GNG4: variants seen among roughly 807,000 people sequenced by gnomAD.
GNG4 encodes the protein G protein subunit gamma 4.
Under a neutral mutation model 5.8 loss-of-function variants are expected in GNG4, and 4 were observed. That is an observed-to-expected ratio of 0.69 (90% CI 0.34 to 1.57). The LOEUF is 1.57. Ranked by LOEUF, GNG4 falls within the 40% of genes most tolerant of loss-of-function variation. GNG4 has a pLI of 0.06. For synonymous variants in GNG4, 29 were observed against 32.9 expected, an observed-to-expected ratio of 0.88 and a Z score of 0.41; for missense variants, 96 against 95.1, an observed-to-expected ratio of 1.01 and a Z score of -0.04.
Position 235,644,401 on chromosome 1 carries a change from A to G in GNG4, c.-123+5261T>C, listed in dbSNP as rs557257144. Reference sequence around the variant, plus strand: ...AGCGACCCTCCTCGGCCACCTCCACACCCACACTCCAGGCCCACCACTGCC... The same window carrying G: ...AGCGACCCTCCTCGGCCACCTCCACGCCCACACTCCAGGCCCACCACTGCC... On this transcript the variant is annotated intron_variant, in intron 1 of 3. Coordinates refer to ENST00000391854, the MANE Select transcript of GNG4 (RefSeq NM_001098722.2). This position sits in a 1 kb window ranked among gnomAD's most constrained non-coding sequence, Gnocchi z 5.9. 6.6e-6 allele frequency among the ~76,000 whole-genome samples: 1 copy of G among 151,862 alleles called. No individual in the cohort carries two copies. Among genetic ancestry groups the G allele is most frequent in the Admixed American group, 6.6e-5 (1 of 15,236 alleles).
intron 2 of GNG4, among the ~76,000 whole-genome samples, chr1:235,594,345 C>A (rs1261125118): frequency 6.6e-6 from 1 of 152,202 alleles, no homozygotes; most frequent in East Asian, 1.9e-4. Context: ...AAGTCCCCAC[C>A]AGACTCAGGA....
At chr1:235,611,230 C>A (rs1688470449) in intron 1 of GNG4, among the ~76,000 whole-genome samples, 1 of 151,120 alleles carries the variant, frequency 6.6e-6, no homozygotes, top group African/African-American at 2.4e-5. Context: ...TGAAGTGGTA[C>A]CATCATGGCT....
intron 1 of GNG4, among the ~76,000 whole-genome samples, chr1:235,601,454 C>T (rs916050339): frequency 3.9e-5 from 6 of 152,168 alleles, no homozygotes; most frequent in African/African-American, 1.4e-4. Flanking sequence ...TTGACCTGGA[C>T]TTTAGCATCT....
At chr1:235,641,215 A>G (rs1657316823) in intron 1 of GNG4, among the ~76,000 whole-genome samples, 1 of 150,808 alleles carries the variant, frequency 6.6e-6, no homozygotes, top group Non-Finnish European at 1.5e-5. Flanking sequence ...GTGAGAACCC[A>G]TCTCTACAAA....
At chr1:235,570,279 T>A (rs2774328) in intron 3 of GNG4, among the ~76,000 whole-genome samples, 3 of 151,900 alleles carry the variant, frequency 2.0e-5, no homozygotes. Flanking sequence ...GTCATCACTG[T>A]GGCTTTCCAC....
At chr1:235,628,250 C>G (rs767584252) in intron 1 of GNG4, among the ~76,000 whole-genome samples, 1 of 152,156 alleles carries the variant, frequency 6.6e-6, no homozygotes, top group Non-Finnish European at 1.5e-5. Context: ...GTCTTTCTGG[C>G]TTTTGTTTCC....
chr1:235,603,006 T>G (rs1458028523), intron 1 of GNG4, among the ~76,000 whole-genome samples: 1 of 152,028 alleles, frequency 6.6e-6, no homozygotes, highest in African/African-American at 2.4e-5. Context: ...CCCAGCACTT[T>G]GGGAGGTGGG....
intron 1 of GNG4, among the ~76,000 whole-genome samples, chr1:235,628,317 G>A (rs1432585282): frequency 6.6e-6 from 1 of 152,096 alleles, no homozygotes; most frequent in Non-Finnish European, 1.5e-5. Flanking sequence ...AAAATGTCTT[G>A]GCCAGAAGCA....
At chr1:235,592,316 G>A (rs1687985290) in intron 2 of GNG4, among the ~76,000 whole-genome samples, 1 of 152,138 alleles carries the variant, frequency 6.6e-6, no homozygotes, top group African/African-American at 2.4e-5. Context: ...GGCCAGCCTG[G>A]CCAACATGGT....
Position 235,583,725 on chromosome 1 carries a change from C to A in GNG4, c.99+15G>T. ...AGCTTCGGGCGGAGGGTGGGGCTGA[C>A]GCATGCATGCTTACCTTGACCCTGT... On this transcript the variant is annotated intron_variant, in intron 3 of 3. Transcript: ENST00000391854. The A allele has an allele frequency of 4.6e-6, 7 of 1,535,180 alleles. No individual in the cohort carries two copies. The highest frequency in any genetic ancestry group is 6.3e-6 in the Non-Finnish European group (7 of 1,109,338).
intron 1 of GNG4, among the ~76,000 whole-genome samples, chr1:235,619,316 GA>G (rs1688663239): frequency 6.6e-6 from 1 of 151,664 alleles, no homozygotes; most frequent in African/African-American, 2.4e-5. Context: ...AGGATCACTT[GA>G]TCCTGGGAGG....
At position 235,550,153 on chromosome 1, in the gene GNG4, A is replaced by G. The variant is rs10925976; in HGVS notation, c.*1956T>C. On this transcript the variant is annotated 3_prime_UTR_variant, in exon 4 of 4. Coordinates refer to ENST00000391854, the MANE Select transcript of GNG4 (RefSeq NM_001098722.2). ...ATCATATGAGTTTGGTTTAGGTAGGACCTTCAGGTTGATCTTAGACAATCC... is the reference window on the plus strand; with the variant it reads ...ATCATATGAGTTTGGTTTAGGTAGGGCCTTCAGGTTGATCTTAGACAATCC... The G allele has an allele frequency of 0.58, 88,052 of 152,062 alleles. 26,132 individuals are homozygous for G. Among genetic ancestry groups the G allele is most frequent in the East Asian group, 0.83 (4,279 of 5,160 alleles). The allele number at this position is 152,062 out of a possible 1,614,324, so 9.4% of individuals were successfully genotyped here.
At chr1:235,593,942 C>G (rs1037279895) in intron 2 of GNG4, among the ~76,000 whole-genome samples, 9 of 152,258 alleles carry the variant, frequency 5.9e-5, no homozygotes, top group Non-Finnish European at 1.0e-4. Flanking sequence ...CAGATTACCC[C>G]AGCTGGCGCG....
intron 3 of GNG4, among the ~76,000 whole-genome samples, chr1:235,572,812 C>G (rs2841882): frequency 0.68 from 102,853 of 151,842 alleles, 35,262 homozygotes; most frequent in East Asian, 0.87. Flanking sequence ...AAAATATACA[C>G]TACTAGAATC....
chr1:235,549,813 CG>C lies in GNG4; in HGVS notation c.*2295del, dbSNP rs1686693016. The C allele has an allele frequency of 1.3e-5, 2 of 152,210 alleles. No individual in the cohort carries two copies. The highest frequency in any genetic ancestry group is 4.8e-5 in the African/African-American group (2 of 41,456). 9.4% of individuals were successfully genotyped at this position (152,210 alleles called of 1,614,324 possible). On this transcript the variant is annotated 3_prime_UTR_variant, in exon 4 of 4. Coordinates refer to ENST00000391854, the MANE Select transcript of GNG4 (RefSeq NM_001098722.2). ...TTTGCAGGCAATTTTATGCCTCCAA[CG>C]GAACCATGGTCTCTTTGAAGTCATC...
chr1:235,611,914 A>G (rs1688484763), intron 1 of GNG4, among the ~76,000 whole-genome samples: 1 of 151,936 alleles, frequency 6.6e-6, no homozygotes, highest in Admixed American at 6.6e-5. Context: ...AATAAATAAA[A>G]TTGGCCAGGT....
intron 2 of GNG4, among the ~76,000 whole-genome samples, chr1:235,589,912 T>C (rs1341082498): frequency 2.6e-5 from 4 of 152,160 alleles, no homozygotes; most frequent in Non-Finnish European, 4.4e-5. Context: ...CCATATTTGT[T>C]GGGTCATCTG....
chr1:235,629,403 A>G (rs1688889104), intron 1 of GNG4, among the ~76,000 whole-genome samples: 1 of 151,990 alleles, frequency 6.6e-6, no homozygotes, highest in African/African-American at 2.4e-5. Context: ...AAATTAAAGA[A>G]TTTCAATGCA....
chr1:235,640,549 G>C (rs770924786), intron 1 of GNG4, among the ~76,000 whole-genome samples: 2 of 152,214 alleles, frequency 1.3e-5, no homozygotes, highest in Non-Finnish European at 2.9e-5. Flanking sequence ...ACAGAAGAAA[G>C]GATACACACA....
Sources: allele counts gnomAD v4.1 joint callset (sites outside exome capture counted in the v4.1 genomes callset), GRCh38; gene constraint gnomAD v4.1.1; non-coding constraint Gnocchi (gnomAD v3.1); transcripts MANE v1.5; gene names NCBI Gene and HGNC (gene_info 2026-07-23, HGNC 2026-07-21).